Variants in AHNAK observed in about 807,000 individuals in gnomAD.
AHNAK encodes AHNAK nucleoprotein.
A neutral mutation model predicts 37.8 loss-of-function variants in AHNAK; 23 were observed. That is an observed-to-expected ratio of 0.61 (90% CI 0.44 to 0.86). AHNAK has a LOEUF of 0.86. Among genes scored for constraint, AHNAK ranks in the 40% least tolerant of loss-of-function variants. The pLI, the probability that AHNAK is intolerant of heterozygous loss-of-function variation, is 0.00. For missense variants in AHNAK, 7,411 were observed against 7,319.4 expected, an observed-to-expected ratio of 1.01 and a Z score of -0.46; for synonymous variants, 2,481 against 2,636.3, an observed-to-expected ratio of 0.94 and a Z score of 1.80.
chr11:62,535,945 C>A lies in AHNAK; in HGVS notation c.154G>T (p.Gly52Trp). The change falls in exon 3 of 5, where the codon GGG becomes TGG. Residue 52 changes from glycine (G) to tryptophan (W), a missense_variant and splice_region_variant. Coordinates refer to ENST00000378024, the MANE Select transcript of AHNAK (RefSeq NM_001620.3). The part of the protein sequence containing the change: ...PAARTGVVKE[G>W]DQIVGATIYF... ...CAGTCCACACCCTGGGGTGACTCAC[C>A]CTCCTTGACCACCCCAGTGCGGGCC... 1 of 1,609,536 alleles carries A rather than the reference C, an allele frequency of 6.2e-7. No individual in the cohort carries two copies.
chr11:62,517,684 G>T lies in AHNAK; in HGVS notation c.16733C>A (p.Ala5578Asp). The T allele has an allele frequency of 6.2e-7, 1 of 1,614,158 alleles. No individual in the cohort carries two copies. Among genetic ancestry groups the T allele is most frequent in the Non-Finnish European group, 8.5e-7 (1 of 1,180,018 alleles). Residue 5578 changes from alanine (A) to aspartate (D), a missense_variant, in exon 5 of 5, where the codon GCC becomes GAC. Ala to Asp is a moderately radical substitution (Grantham distance 126, BLOSUM62 -2). Coordinates refer to ENST00000378024, the MANE Select transcript of AHNAK (RefSeq NM_001620.3). ...GGADVSGGVS[A>D]PDISLGEGHL... ...CCCTTCACCAAGGCTGATGTCTGGGGCACTGACACCCCCTGAAACATCCGC... is the reference window on the plus strand; with the variant it reads ...CCCTTCACCAAGGCTGATGTCTGGGTCACTGACACCCCCTGAAACATCCGC...
chr11:62,483,845 C>G (rs968313678), intron 5 of AHNAK, among the ~76,000 whole-genome samples: 1 of 137,698 alleles, frequency 7.3e-6, no homozygotes, highest in Non-Finnish European at 1.5e-5. Context: ...GGCGACAGAG[C>G]AAGACTCCAT....
At chr11:62,473,491 C>G (rs28811006) in intron 5 of AHNAK, among the ~76,000 whole-genome samples, 15,947 of 150,722 alleles carry the variant, frequency 0.11, 2,248 homozygotes, top group African/African-American at 0.33. Flanking sequence ...GTCAGGAGAT[C>G]GAGACCAAGG....
chr11:62,456,671 C>A (rs963304189), intron 5 of AHNAK, among the ~76,000 whole-genome samples: 1 of 152,100 alleles, frequency 6.6e-6, no homozygotes, highest in Non-Finnish European at 1.5e-5. Context: ...TGTCACCCCA[C>A]GAGCCCATCA....
rs1303357158 is a variant in AHNAK, at chr11:62,495,732, C to T, written c.343-3901G>A. 4.6e-5 allele frequency among the ~76,000 whole-genome samples: 6 copies of T among 131,510 alleles called. No individual in the cohort carries two copies. In the East Asian group the frequency reaches 1.3e-3, roughly 29 times the overall value. The allele number at this position is 131,510 out of a possible 152,430, so 86.3% of individuals were successfully genotyped here. On this transcript the variant is annotated intron_variant, in intron 4 of 5. Transcript: ENST00000257247. ...CCAGCATGGGGACAGAGCGAGACTC[C>T]GTCTCAAAAAAAAAAAAAAAAAATA... is the stretch of plus-strand genomic sequence containing the variant.
Position 62,526,049 on chromosome 11 carries a change from G to C in AHNAK, c.8368C>G (p.Leu2790Val). 1.2e-6 allele frequency: 2 copies of C among 1,613,448 alleles called. No homozygotes were observed. The highest frequency in any genetic ancestry group is 1.7e-6 in the Non-Finnish European group (2 of 1,179,860). The change falls in exon 5 of 5, where the codon CTG becomes GTG. Residue 2790 changes from leucine (L) to valine (V), a missense_variant. By Grantham distance (32) the Leu-to-Val change is conservative (BLOSUM62 1). Transcript: ENST00000378024. ...GAGACATCAATGTCAGCCTTGGGCAGGTTCACGTCCACATCTGGACCTTCT... is the reference window on the plus strand; with the variant it reads ...GAGACATCAATGTCAGCCTTGGGCACGTTCACGTCCACATCTGGACCTTCT... ...KGEGPDVDVN[L>V]PKADIDVSGP...
chr11:62,468,628 ATC>A (rs1938967440), intron 5 of AHNAK, among the ~76,000 whole-genome samples: 1 of 152,108 alleles, frequency 6.6e-6, no homozygotes, highest in Admixed American at 6.6e-5. Flanking sequence ...TAACAGCCGA[ATC>A]CTCAAAAAGG....
rs1240239625 is a variant in AHNAK at position 62,525,062 on chromosome 11, C to A, written c.9355G>T (p.Asp3119Tyr). The change falls in exon 5 of 5, where the codon GAC (aspartate) becomes TAC (tyrosine). Residue 3119 changes from aspartate to tyrosine, a missense_variant. Transcript: ENST00000378024. ...MDVSLPKVEG[D>Y]MKVPDVDIKG... ...ATATCCACGTCAGGAACTTTCATGT[C>A]ACCTTCCACTTTTGGCAGAGACACA... The A allele has an allele frequency of 6.2e-7, 1 of 1,613,886 alleles. No homozygotes were observed. The highest frequency in any genetic ancestry group is 8.5e-7 in the Non-Finnish European group (1 of 1,179,996).
At chr11:62,439,243 C>T (rs545344722) in intron 5 of AHNAK, among the ~76,000 whole-genome samples, 7 of 151,926 alleles carry the variant, frequency 4.6e-5, no homozygotes, top group East Asian at 1.9e-4. Context: ...TACAAGCGCC[C>T]GCCACCACGC....
downstream of AHNAK, among the ~76,000 whole-genome samples, chr11:62,513,541 T>TAA (rs113879195): frequency 7.9e-6 from 1 of 127,374 alleles, no homozygotes; most frequent in Non-Finnish European, 1.8e-5. Context: ...GTCTCAAAAA[T>TAA]AAAAAAAAAA....
intron 5 of AHNAK, among the ~76,000 whole-genome samples, chr11:62,488,314 A>G (rs1322689871): frequency 6.6e-6 from 1 of 152,232 alleles, no homozygotes; most frequent in Non-Finnish European, 1.5e-5. Context: ...CACAAACACT[A>G]GAACCCAGTC....
chr11:62,433,806 T>C, exon 6 of AHNAK: 6 of 1,591,952 alleles, frequency 3.8e-6, no homozygotes, highest in Non-Finnish European at 5.2e-6. Flanking sequence ...ATATGTAATT[T>C]CCCATTTTTA....
intron 4 of AHNAK, among the ~76,000 whole-genome samples, chr11:62,500,997 T>C (rs1429584113): frequency 6.6e-6 from 1 of 152,032 alleles, no homozygotes; most frequent in East Asian, 1.9e-4. Context: ...GATGGGAGAA[T>C]TGCTTGAACC....
At chr11:62,482,052 T>C (rs1939287613) in intron 5 of AHNAK, among the ~76,000 whole-genome samples, 1 of 152,144 alleles carries the variant, frequency 6.6e-6, no homozygotes, top group Non-Finnish European at 1.5e-5. Flanking sequence ...CCGTCACTCA[T>C]GTTGTCTACA....
intron 5 of AHNAK, among the ~76,000 whole-genome samples, chr11:62,442,640 G>A (rs2134783334): frequency 6.6e-6 from 1 of 152,188 alleles, no homozygotes; most frequent in East Asian, 1.9e-4. Flanking sequence ...AGAGGCCAAG[G>A]CAGGCGGATC....
rs1347177421 is a variant in AHNAK at position 62,525,140 on chromosome 11, T to C, written c.9277A>G (p.Met3093Val). Residue 3093 changes from methionine (M) to valine (V), a missense_variant, in exon 5 of 5, where the codon ATG becomes GTG. Transcript: ENST00000378024. ...TTCAGGTTAAGATCAATGTCAGGCA[T>C]GGAGATCTTGGGGGCTTTGATGTTC... ...EMNIKAPKISMPDIDLNLKGP... is the reference protein window; with the variant it reads ...EMNIKAPKISVPDIDLNLKGP... 1.2e-6 allele frequency: 2 copies of C among 1,614,128 alleles called. No homozygotes were observed. Among genetic ancestry groups the C allele is most frequent in the East Asian group, 4.5e-5 (2 of 44,886 alleles).
At chr11:62,448,042 G>A (rs1374826655) in intron 5 of AHNAK, among the ~76,000 whole-genome samples, 2 of 152,062 alleles carry the variant, frequency 1.3e-5, no homozygotes. Flanking sequence ...GAATGGGAAG[G>A]AGCCAGCCAC....
At chr11:62,488,565 A>ATTTTT (rs57544040) in intron 5 of AHNAK, among the ~76,000 whole-genome samples, 4,008 of 133,890 alleles carry the variant, frequency 0.03, 271 homozygotes, top group African/African-American at 0.11. Context: ...TGCCCAGCTA[A>ATTTTT]TTTTTTTTTT....
At chr11:62,489,383 G>A (rs1217229136) in intron 5 of AHNAK, among the ~76,000 whole-genome samples, 1 of 152,148 alleles carries the variant, frequency 6.6e-6, no homozygotes, top group Non-Finnish European at 1.5e-5. Context: ...TTTGGGTGCT[G>A]AGCCAAGGAT....
Sources: gnomAD v4.1 joint callset for allele counts (sites outside exome capture counted in the v4.1 genomes callset) on GRCh38, gnomAD v4.1.1 for gene constraint, MANE v1.5 for transcripts, NCBI Gene and HGNC (gene_info 2026-07-23, HGNC 2026-07-21) for gene names.